KCNH7: variants seen among roughly 807,000 people sequenced by gnomAD.
KCNH7 encodes voltage-gated inwardly rectifying potassium channel KCNH7.
KCNH7 carries 49 observed loss-of-function variants against 120.8 expected under a neutral mutation model. That is an observed-to-expected ratio of 0.41 (90% CI 0.32 to 0.51). KCNH7 has a LOEUF of 0.51. Ranked by LOEUF, KCNH7 falls within the 20% of genes least tolerant of loss-of-function variation. The pLI is 0.38. For missense variants in KCNH7, 1,097 were observed against 1,446.6 expected (o/e 0.76, Z 3.92); for synonymous variants, 547 against 516.1 (o/e 1.06, Z -0.81).
intron 8 of KCNH7, among the ~76,000 whole-genome samples, chr2:162,431,207 C>T (rs999189509): frequency 2.0e-5 from 3 of 151,982 alleles, no homozygotes; most frequent in Admixed American, 2.0e-4. Context: ...TTTTCTACAA[C>T]TTGGCTTCAA....
intron 6 of KCNH7, among the ~76,000 whole-genome samples, chr2:162,458,173 A>G (rs1281922733): frequency 1.3e-5 from 2 of 151,692 alleles, no homozygotes; most frequent in African/African-American, 4.8e-5. Flanking sequence ...GCAGTCATTT[A>G]GATTCAGGTT....
intron 2 of KCNH7, among the ~76,000 whole-genome samples, chr2:162,602,463 CTT>C (rs1259167043): frequency 6.6e-6 from 1 of 152,088 alleles, no homozygotes; most frequent in Non-Finnish European, 1.5e-5. Flanking sequence ...ACTTTTTAAA[CTT>C]TGTTTTCTTC....
At chr2:162,657,227 A>G (rs1286098668) in intron 2 of KCNH7, among the ~76,000 whole-genome samples, 2 of 152,200 alleles carry the variant, frequency 1.3e-5, no homozygotes, top group African/African-American at 2.4e-5. Flanking sequence ...CAAGTTTTGA[A>G]AAGCTATAAT....
chr2:162,625,762 G>GGGGAAA (rs1389449219), intron 2 of KCNH7, among the ~76,000 whole-genome samples: 14 of 152,078 alleles, frequency 9.2e-5, no homozygotes, highest in Non-Finnish European at 1.9e-4. Context: ...ACATTGGAAA[G>GGGGAAA]GTAGAAGCTA....
At chr2:162,481,771 GA>G (rs2105683373) in intron 6 of KCNH7, among the ~76,000 whole-genome samples, 1 of 152,290 alleles carries the variant, frequency 6.6e-6, no homozygotes. Context: ...TATGAATGCT[GA>G]GAATGTACTG....
chr2:162,466,305 A>G (rs1437862643), intron 6 of KCNH7, among the ~76,000 whole-genome samples: 3 of 152,208 alleles, frequency 2.0e-5, no homozygotes, highest in Non-Finnish European at 2.9e-5. Context: ...GGTAATTTAT[A>G]AAAAGAAGAG....
intron 13 of KCNH7, 63 bp from the exon 14 acceptor site, chr2:162,380,084 A>G: frequency 6.4e-7 from 1 of 1,552,958 alleles, no homozygotes; most frequent in Non-Finnish European, 8.8e-7. Context: ...AATAATTCAT[A>G]GATATCCACA....
intron 3 of KCNH7, among the ~76,000 whole-genome samples, chr2:162,534,354 G>T (rs1039365472): frequency 6.6e-5 from 10 of 151,140 alleles, no homozygotes; most frequent in Middle Eastern, 3.2e-3. Context: ...TGGGAAAAAA[G>T]CTACTGATTA....
chr2:162,800,010 G>T (rs1684286025), intron 2 of KCNH7, among the ~76,000 whole-genome samples: 1 of 151,412 alleles, frequency 6.6e-6, no homozygotes, highest in Non-Finnish European at 1.5e-5. Context: ...ATTCAAAGCT[G>T]TTGAATACAA....
intron 2 of KCNH7, among the ~76,000 whole-genome samples, chr2:162,732,374 A>G (rs1056252267): frequency 6.6e-6 from 1 of 152,216 alleles, no homozygotes; most frequent in African/African-American, 2.4e-5. Context: ...TTAAGCAGGT[A>G]CCCAATATAT....
At chr2:162,733,841 TG>T (rs1343640302) in intron 2 of KCNH7, among the ~76,000 whole-genome samples, 5 of 152,170 alleles carry the variant, frequency 3.3e-5, no homozygotes, top group African/African-American at 4.8e-5. Context: ...TTATGTAAAA[TG>T]GTATAAATAT....
intron 2 of KCNH7, among the ~76,000 whole-genome samples, chr2:162,829,887 A>G (rs1245849455): frequency 7.2e-6 from 1 of 139,182 alleles, no homozygotes; most frequent in African/African-American, 2.7e-5. Context: ...ACCATTTTTC[A>G]TCTTCTCTTC....
At chr2:162,669,815 G>T (rs1413850708) in intron 2 of KCNH7, among the ~76,000 whole-genome samples, 1 of 152,088 alleles carries the variant, frequency 6.6e-6, no homozygotes, top group African/African-American at 2.4e-5. Context: ...GCTTAAGAAA[G>T]AAGGCCGGGA....
At chr2:162,397,524 T>A (rs1459624020) in intron 10 of KCNH7, among the ~76,000 whole-genome samples, 1 of 151,902 alleles carries the variant, frequency 6.6e-6, no homozygotes, top group Non-Finnish European at 1.5e-5. Flanking sequence ...GTAGTCCTGC[T>A]TTTTGTTATA....
chr2:162,779,694 A>G (rs953507806), intron 2 of KCNH7, among the ~76,000 whole-genome samples: 4 of 152,140 alleles, frequency 2.6e-5, no homozygotes, highest in Non-Finnish European at 5.9e-5. Flanking sequence ...AACAGCATCC[A>G]AACTGTCTTG....
At chr2:162,512,783 G>A (rs1010445981) in intron 4 of KCNH7, 109 bp from the exon 5 acceptor site, 2 of 840,568 alleles carry the variant, frequency 2.4e-6, no homozygotes, top group African/African-American at 1.7e-5. Flanking sequence ...ATCAGAATAT[G>A]ATGGAAAATT....
At chr2:162,641,082 A>T (rs1221140240) in intron 2 of KCNH7, among the ~76,000 whole-genome samples, 1 of 152,208 alleles carries the variant, frequency 6.6e-6, no homozygotes, top group Non-Finnish European at 1.5e-5. Flanking sequence ...GCTGATGGGA[A>T]GGTATAATGA....
intron 2 of KCNH7, among the ~76,000 whole-genome samples, chr2:162,553,593 G>T (rs950159830): frequency 9.9e-5 from 15 of 152,098 alleles, no homozygotes; most frequent in African/African-American, 3.6e-4. Flanking sequence ...AGCTTGCAGC[G>T]AGCCAAGATT....
At chr2:162,492,871 T>TTG (rs1690361601) in intron 6 of KCNH7, among the ~76,000 whole-genome samples, 2 of 80,002 alleles carry the variant, frequency 2.5e-5, no homozygotes, top group African/African-American at 1.4e-4. Flanking sequence ...TCTTGTTTTT[T>TTG]TTTTTTTTTT....
Sources: allele counts gnomAD v4.1 joint callset (sites outside exome capture counted in the v4.1 genomes callset), GRCh38; gene constraint gnomAD v4.1.1; transcripts MANE v1.5; gene names NCBI Gene and HGNC (gene_info 2026-07-23, HGNC 2026-07-21).